Variants in NRXN3 observed in about 807,000 individuals in gnomAD.
NRXN3 encodes the protein neurexin III.
Under a neutral mutation model 137.6 loss-of-function variants are expected in NRXN3, and 32 were observed. The ratio of observed to expected loss-of-function variants is 0.23; its 90% confidence interval spans 0.18 to 0.31. The LOEUF (loss-of-function observed/expected upper bound fraction) is 0.31, where lower values mean the gene tolerates loss of function less well. Among genes scored for constraint, NRXN3 ranks in the 10% least tolerant of loss-of-function variants. The pLI is 1.00. For missense variants in NRXN3, 1,574 were observed against 2,062.5 expected (o/e 0.76, Z 4.59); for synonymous variants, 798 against 784.5 (o/e 1.02, Z -0.29).
intron 15 of NRXN3, among the ~76,000 whole-genome samples, chr14:79,206,395 G>A (rs1429156344): frequency 6.6e-6 from 1 of 152,156 alleles, no homozygotes; most frequent in Non-Finnish European, 1.5e-5. Context: ...GAATCAGATG[G>A]CATGGGCTCT....
chr14:78,261,784 AG>A (rs763952306), intron 2 of NRXN3, among the ~76,000 whole-genome samples: 3 of 152,206 alleles, frequency 2.0e-5, no homozygotes, highest in African/African-American at 2.4e-5. Context: ...GACTGGGACT[AG>A]AACTCAAATA....
chr14:79,749,779 A>T (rs1183229075), intron 19 of NRXN3, among the ~76,000 whole-genome samples: 2 of 150,256 alleles, frequency 1.3e-5, no homozygotes, highest in African/African-American at 4.9e-5. Context: ...TGCACCAAAC[A>T]TTTTTTTTTA....
chr14:79,279,630 A>G (rs2080922479), intron 15 of NRXN3: 4 of 986,616 alleles, frequency 4.1e-6, no homozygotes, highest in African/African-American at 1.7e-5. Context: ...GCTGGTTTTC[A>G]TCCAGTTGGG....
intron 15 of NRXN3, among the ~76,000 whole-genome samples, chr14:79,205,533 G>A (rs1816913163): frequency 6.6e-6 from 1 of 152,086 alleles, no homozygotes; most frequent in Non-Finnish European, 1.5e-5. Flanking sequence ...TAATTTTGTT[G>A]TAAAACATCA....
chr14:79,066,075 A>G (rs965957828), intron 15 of NRXN3, among the ~76,000 whole-genome samples: 1 of 152,138 alleles, frequency 6.6e-6, no homozygotes, highest in Admixed American at 6.5e-5. Flanking sequence ...GCCCACGCCT[A>G]ATTCCTGAAT....
intron 19 of NRXN3, among the ~76,000 whole-genome samples, chr14:79,702,656 CTT>C (rs1728828575): frequency 6.6e-6 from 1 of 151,972 alleles, no homozygotes; most frequent in Non-Finnish European, 1.5e-5. Flanking sequence ...TGGCCTGAAA[CTT>C]TGCCAAGTGG....
At chr14:78,266,438 A>G (rs147999111) in intron 2 of NRXN3, among the ~76,000 whole-genome samples, 292 of 152,182 alleles carry the variant, frequency 1.9e-3, no homozygotes, top group Non-Finnish European at 3.4e-3. Context: ...AGCTGAGATT[A>G]CAGGCACATA....
intron 7 of NRXN3, 83 bp from the exon 8 acceptor site, chr14:78,714,673 T>C: frequency 1.3e-6 from 2 of 1,483,012 alleles, no homozygotes; most frequent in African/African-American, 1.4e-5. Context: ...AGCCAATGGC[T>C]GGGCTCAGCA....
intron 1 of NRXN3, among the ~76,000 whole-genome samples, chr14:78,182,392 G>C (rs919830803): frequency 1.3e-5 from 2 of 152,014 alleles, no homozygotes; most frequent in African/African-American, 4.8e-5. Context: ...AGAAAAAACA[G>C]AGAAATTAGG....
chr14:79,485,497 C>T (rs569697128), intron 16 of NRXN3, among the ~76,000 whole-genome samples: 1 of 152,158 alleles, frequency 6.6e-6, no homozygotes, highest in African/African-American at 2.4e-5. Context: ...TGATCAAGGC[C>T]CCTGGAGTCA....
Position 78,498,706 on chromosome 14 carries a change from T to C in NRXN3, c.758-146414T>C, listed in dbSNP as rs142264428. On this transcript the variant is annotated intron_variant, in intron 4 of 20. Transcript: ENST00000335750. ...ACATTTAAGGGGATAATTTCAGTGG[T>C]GACTTTAGTGGGTTTTAGAAGCACG... Among the ~76,000 whole-genome samples, 16 of 152,270 alleles carry C rather than the reference T, an allele frequency of 1.1e-4. No homozygotes were observed. In the East Asian group the frequency reaches 3.1e-3, roughly 29 times the overall value.
chr14:78,744,131 C>T (rs753617121), intron 8 of NRXN3, among the ~76,000 whole-genome samples: 50 of 152,126 alleles, frequency 3.3e-4, no homozygotes, highest in Admixed American at 3.3e-3. Context: ...AGGCTGATAT[C>T]CTGCAGGTTT....
At chr14:79,038,157 G>A (rs191257339) in intron 15 of NRXN3, among the ~76,000 whole-genome samples, 2 of 152,120 alleles carry the variant, frequency 1.3e-5, no homozygotes, top group African/African-American at 4.8e-5. Context: ...AATGTCCATT[G>A]AATACAGGGA....
intron 16 of NRXN3, among the ~76,000 whole-genome samples, chr14:79,574,982 A>G (rs1479249096): frequency 6.6e-6 from 1 of 152,102 alleles, no homozygotes; most frequent in Non-Finnish European, 1.5e-5. Flanking sequence ...AGCACGTGTC[A>G]CCACTGCATT....
chr14:79,758,281 C>T (rs562745358), intron 19 of NRXN3, among the ~76,000 whole-genome samples: 2 of 152,192 alleles, frequency 1.3e-5, no homozygotes, highest in East Asian at 1.9e-4. Context: ...TATTAGGGCT[C>T]ATAGTTTTGC....
chr14:79,177,843 G>C (rs10147101), intron 15 of NRXN3, among the ~76,000 whole-genome samples: 1,662 of 152,292 alleles, frequency 0.011, 31 homozygotes, highest in African/African-American at 0.038. Context: ...TGTTACTCTT[G>C]ATTTCTTAAG....
chr14:79,799,172 A>G (rs142728881), intron 19 of NRXN3, among the ~76,000 whole-genome samples: 3 of 152,326 alleles, frequency 2.0e-5, no homozygotes, highest in East Asian at 3.9e-4. Flanking sequence ...TATAATACCT[A>G]TCTTTAGTTT....
At chr14:79,044,608 T>G (rs1215517195) in intron 15 of NRXN3, among the ~76,000 whole-genome samples, 1 of 152,156 alleles carries the variant, frequency 6.6e-6, no homozygotes, top group Non-Finnish European at 1.5e-5. Flanking sequence ...TTTGAAAACA[T>G]AGTTGACTTG....
chr14:78,967,297 ATG>A lies in NRXN3; in HGVS notation c.2869_2870del (p.Val957ArgfsTer7). ...CCCCTGAATGACAACCAGTGGCACA[ATG>A]TCGTCATCACTCGGGACAATAGTAA... On this transcript the variant is annotated frameshift_variant, in exon 13 of 21. Coordinates refer to ENST00000335750, the MANE Select transcript of NRXN3 (RefSeq NM_001330195.2). LOFTEE classifies it high-confidence loss of function. 6.2e-7 allele frequency: 1 copy of A among 1,613,970 alleles called. No homozygotes were observed. Among genetic ancestry groups the A allele is most frequent in the Non-Finnish European group, 8.5e-7 (1 of 1,179,930 alleles).
Sources: allele counts gnomAD v4.1 joint callset (sites outside exome capture counted in the v4.1 genomes callset), GRCh38; gene constraint gnomAD v4.1.1; transcripts MANE v1.5; gene names NCBI Gene and HGNC (gene_info 2026-07-23, HGNC 2026-07-21).